DNAI4: variants seen among roughly 807,000 people sequenced by gnomAD.
DNAI4 encodes the protein WD repeat domain 78.
DNAI4 carries 85 observed loss-of-function variants against 105.8 expected under a neutral mutation model. The ratio of observed to expected loss-of-function variants is 0.80; its 90% confidence interval spans 0.67 to 0.96. The LOEUF is 0.96. Among genes scored for constraint, DNAI4 ranks in the 40% least tolerant of loss-of-function variants. The pLI is 0.00. For synonymous variants in DNAI4, 352 were observed against 331.5 expected, an observed-to-expected ratio of 1.06 and a Z score of -0.67; for missense variants, 1,014 against 1,005.6, an observed-to-expected ratio of 1.01 and a Z score of -0.11.
chr1:66,847,199 T>G (rs1334195737), intron 8 of DNAI4, among the ~76,000 whole-genome samples: 1 of 152,258 alleles, frequency 6.6e-6, no homozygotes, highest in Non-Finnish European at 1.5e-5. Context: ...ACATGTCCTC[T>G]GATAATGATA....
intron 1 of DNAI4, among the ~76,000 whole-genome samples, chr1:66,919,827 A>G (rs748613639): frequency 1.1e-3 from 170 of 152,204 alleles, no homozygotes; most frequent in Admixed American, 2.2e-3. Context: ...CACCCCAAAG[A>G]AAAAATGTAC....
intron 7 of DNAI4, among the ~76,000 whole-genome samples, chr1:66,849,208 C>CT (rs1431418535): frequency 2.0e-5 from 3 of 152,230 alleles, no homozygotes; most frequent in Non-Finnish European, 4.4e-5. Context: ...AACCTCCACT[C>CT]TGTTGTGTCA....
chr1:66,869,859 G>A (rs1320520419), intron 6 of DNAI4, among the ~76,000 whole-genome samples: 3 of 152,078 alleles, frequency 2.0e-5, no homozygotes, highest in Non-Finnish European at 4.4e-5. Flanking sequence ...GAAAGCAGGG[G>A]AATAACCGTA....
chr1:66,852,243 AACTC>A (rs1311627444), intron 7 of DNAI4, among the ~76,000 whole-genome samples: 7 of 152,006 alleles, frequency 4.6e-5, no homozygotes, highest in East Asian at 1.9e-4. Flanking sequence ...TAATTTAAAA[AACTC>A]ACCCACAAAA....
At chr1:66,836,137 AAGAAAAGAAAG>A (rs1189026102) in intron 10 of DNAI4, among the ~76,000 whole-genome samples, 10 of 141,724 alleles carry the variant, frequency 7.1e-5, no homozygotes, top group African/African-American at 2.7e-4. Context: ...GAAAGAAAGA[AAGAAAAGAAAG>A]AAAGAAAGAA....
chr1:66,821,956 G>T (rs991035177), intron 16 of DNAI4, among the ~76,000 whole-genome samples: 6 of 152,150 alleles, frequency 3.9e-5, no homozygotes, highest in African/African-American at 1.4e-4. Context: ...TAATCCAACA[G>T]AAATAAATGC....
intron 4 of DNAI4, among the ~76,000 whole-genome samples, chr1:66,879,879 T>C (rs1305245315): frequency 1.3e-5 from 2 of 151,780 alleles, no homozygotes; most frequent in African/African-American, 2.4e-5. Flanking sequence ...GTTGGTGATA[T>C]GGTTTGGCTG....
intron 3 of DNAI4, among the ~76,000 whole-genome samples, chr1:66,892,681 G>A (rs1266903215): frequency 1.3e-5 from 2 of 151,954 alleles, no homozygotes; most frequent in African/African-American, 4.8e-5. Flanking sequence ...CTAGGCAGGT[G>A]GATCACCTGA....
chr1:66,859,356 CAAA>C (rs1302659951), intron 7 of DNAI4, among the ~76,000 whole-genome samples: 1 of 151,246 alleles, frequency 6.6e-6, no homozygotes, highest in Non-Finnish European at 1.5e-5. Context: ...CTAATGGATG[CAAA>C]ATAGTACAAC....
At chr1:66,870,435 T>C (rs541522071) in intron 6 of DNAI4, among the ~76,000 whole-genome samples, 11 of 114,428 alleles carry the variant, frequency 9.6e-5, no homozygotes, top group Middle Eastern at 8.1e-3. Context: ...AGAGCGAAAC[T>C]GTGCCTCAAA....
chr1:66,874,461 A>G (rs1646919257), intron 5 of DNAI4, among the ~76,000 whole-genome samples: 1 of 152,110 alleles, frequency 6.6e-6, no homozygotes, highest in Admixed American at 6.6e-5. Flanking sequence ...GTATAAAAGT[A>G]AAAATAATTA....
intron 5 of DNAI4, among the ~76,000 whole-genome samples, chr1:66,874,246 A>G (rs897487294): frequency 1.3e-5 from 2 of 152,094 alleles, no homozygotes; most frequent in Non-Finnish European, 2.9e-5. Flanking sequence ...ACAGACTGTC[A>G]AAATACTTGA....
intron 1 of DNAI4, among the ~76,000 whole-genome samples, chr1:66,913,837 C>T (rs1378707313): frequency 3.9e-5 from 6 of 151,996 alleles, no homozygotes; most frequent in Non-Finnish European, 5.9e-5. Flanking sequence ...AAAAAATTAG[C>T]CAGGCGTGGT....
rs1646059631 is a variant in DNAI4 at position 66,837,726 on chromosome 1, G to A, written c.1565C>T (p.Ser522Leu). ...EQKRGLACCW[S>L]IKNPMWPERI... ...TTGGGTTACCATGGGATTCTTTATTGACCAGCAGCAAGCCAGTCCTCTTTT... is the reference window on the plus strand; with the variant it reads ...TTGGGTTACCATGGGATTCTTTATTAACCAGCAGCAAGCCAGTCCTCTTTT... The change falls in exon 10 of 17, where the codon TCA becomes TTA. Residue 522 changes from serine to leucine, a missense_variant. Ser to Leu is a moderately radical substitution (Grantham distance 145, BLOSUM62 -2). Transcript: ENST00000371026. 38 of 1,609,360 alleles carry A rather than the reference G, an allele frequency of 2.4e-5. No homozygotes were observed. The highest frequency in any genetic ancestry group is 3.1e-5 in the Non-Finnish European group (37 of 1,178,128).
intron 1 of DNAI4, among the ~76,000 whole-genome samples, chr1:66,917,882 G>A (rs186194288): frequency 6.6e-4 from 101 of 152,304 alleles, no homozygotes; most frequent in African/African-American, 2.4e-3. Flanking sequence ...AATCAAACGT[G>A]ACTTATGGAA....
At chr1:66,867,348 G>C (rs1646754929) in intron 6 of DNAI4, among the ~76,000 whole-genome samples, 1 of 152,152 alleles carries the variant, frequency 6.6e-6, no homozygotes, top group African/African-American at 2.4e-5. Context: ...TTTCAAGTCT[G>C]AGAGGTTTTA....
intron 4 of DNAI4, among the ~76,000 whole-genome samples, chr1:66,886,304 A>T (rs946946277): frequency 1.3e-5 from 2 of 152,204 alleles, no homozygotes; most frequent in Non-Finnish European, 2.9e-5. Flanking sequence ...CCTGTGCCAT[A>T]GTTTTTAAAT....
intron 1 of DNAI4, among the ~76,000 whole-genome samples, chr1:66,914,920 T>C (rs1649952234): frequency 6.6e-6 from 1 of 152,186 alleles, no homozygotes; most frequent in Non-Finnish European, 1.5e-5. Flanking sequence ...TTATGTAACT[T>C]AAGTAAAATC....
In DNAI4 at chr1:66,833,686, T is replaced by G; in HGVS notation, c.1912A>C (p.Thr638Pro). 2 of 1,613,224 alleles carry G rather than the reference T, an allele frequency of 1.2e-6. No homozygotes were observed. Among genetic ancestry groups the G allele is most frequent in the South Asian group, 2.2e-5 (2 of 91,032 alleles). ...DCYDLMRLKR[T>P]TAASNKKGGE... ...CCTTTTTTGTTACTGGCAGCTGTAG[T>G]TCTCTTTAATCGCATCAAATCTGTA... The change falls in exon 13 of 17, where the codon ACT (threonine) becomes CCT (proline). Residue 638 changes from threonine to proline, a missense_variant. Thr to Pro is a conservative substitution (Grantham distance 38). Transcript: ENST00000371026.
Sources: gnomAD v4.1 joint callset for allele counts (sites outside exome capture counted in the v4.1 genomes callset) on GRCh38, gnomAD v4.1.1 for gene constraint, MANE v1.5 for transcripts, NCBI Gene and HGNC (gene_info 2026-07-23, HGNC 2026-07-21) for gene names.